GPM6B: variants seen among roughly 807,000 people sequenced by gnomAD.
GPM6B encodes the protein neuronal membrane glycoprotein M6-b.
Under a neutral mutation model 27.2 loss-of-function variants are expected in GPM6B, and 4 were observed. That is an observed-to-expected ratio of 0.15 (90% CI 0.07 to 0.34). GPM6B has a LOEUF of 0.34. GPM6B is among the 10% of genes least tolerant of loss of function. The pLI, the probability that GPM6B is intolerant of heterozygous loss-of-function variation, is 1.00. For missense variants in GPM6B, 183 were observed against 261.9 expected, an observed-to-expected ratio of 0.70 and a Z score of 2.08; for synonymous variants, 124 against 103.1, an observed-to-expected ratio of 1.20 and a Z score of -1.23.
chrX:13,923,112 G>A (rs1293958125), intron 1 of GPM6B, among the ~76,000 whole-genome samples: 1 of 110,650 alleles, frequency 9.0e-6, no homozygotes, highest in African/African-American at 3.3e-5. Context: ...GGACGCAGAG[G>A]TTGCAATAAG....
At chrX:13,924,913 G>T (rs746086300) in intron 1 of GPM6B, among the ~76,000 whole-genome samples, 1 of 112,226 alleles carries the variant, frequency 8.9e-6, no homozygotes, top group South Asian at 3.7e-4. Flanking sequence ...ATTAGTAGAA[G>T]AACTGATTTG....
intron 1 of GPM6B, among the ~76,000 whole-genome samples, chrX:13,874,123 AGG>A (rs1167362759): frequency 1.8e-5 from 2 of 112,188 alleles, no homozygotes; most frequent in African/African-American, 6.5e-5. Flanking sequence ...GAAAGACATT[AGG>A]AGGCAGTCAA....
At chrX:13,926,051 T>C (rs1833554167) in intron 1 of GPM6B, among the ~76,000 whole-genome samples, 1 of 95,067 alleles carries the variant, frequency 1.1e-5, no homozygotes, top group Non-Finnish European at 2.0e-5. Flanking sequence ...CGAGACTCCA[T>C]CTCAAAAAAA....
chrX:13,787,852 G>A (rs1165396107), intron 2 of GPM6B, among the ~76,000 whole-genome samples: 1 of 112,082 alleles, frequency 8.9e-6, no homozygotes, highest in Non-Finnish European at 1.9e-5. Context: ...CAGCCTCTAT[G>A]ATCATGTTAA....
At chrX:13,797,030 C>G (rs749140599) in intron 2 of GPM6B, among the ~76,000 whole-genome samples, 12 of 112,540 alleles carry the variant, frequency 1.1e-4, no homozygotes, top group African/African-American at 3.6e-4. Flanking sequence ...AAGAGCACAG[C>G]AATCTGGAGG....
At chrX:13,773,219 TG>T (rs2048333243) in intron 7 of GPM6B, 189 bp from the exon 8 acceptor site, 2 of 326,645 alleles carry the variant, frequency 6.1e-6, no homozygotes, top group Non-Finnish European at 1.1e-5. Flanking sequence ...ATTAAAAGGC[TG>T]AAGAAAAGTT....
At position 13,914,293 on chromosome X, in the gene GPM6B, C is replaced by T. The variant is rs768297497; in HGVS notation, c.-198+24034G>A. On this transcript the variant is annotated intron_variant, in intron 1 of 6. Transcript: ENST00000398361. ...CTTCACTGTTTTCCAATATCTACTCCCCCATCTTCTATGGTAATAATATTT... is the reference window on the plus strand; with the variant it reads ...CTTCACTGTTTTCCAATATCTACTCTCCCATCTTCTATGGTAATAATATTT... Among the ~76,000 whole-genome samples the T allele has an allele frequency of 3.6e-5, 4 of 111,944 alleles. No individual in the cohort carries two copies. The South Asian group carries it at 1.5e-3, about 41-fold the overall frequency.
chrX:13,879,670 T>C (rs2050074168), intron 1 of GPM6B, among the ~76,000 whole-genome samples: 1 of 112,358 alleles, frequency 8.9e-6, no homozygotes, highest in Non-Finnish European at 1.9e-5. Context: ...TTAAAAAGAT[T>C]ACAATGAAAG....
chrX:13,910,331 C>T (rs942426489), intron 1 of GPM6B, among the ~76,000 whole-genome samples: 1 of 112,523 alleles, frequency 8.9e-6, no homozygotes, highest in Non-Finnish European at 1.9e-5. Context: ...GGCCAGGCAT[C>T]GGCATTTTTA....
At chrX:13,914,176 TTCTAACA>T (rs1414366186) in intron 1 of GPM6B, among the ~76,000 whole-genome samples, 1 of 112,417 alleles carries the variant, frequency 8.9e-6, no homozygotes, top group African/African-American at 3.2e-5. Context: ...AATCAAATTA[TTCTAACA>T]TCTGAGATTT....
chrX:13,776,603 C>A (rs1272569499), intron 6 of GPM6B, among the ~76,000 whole-genome samples: 2 of 111,943 alleles, frequency 1.8e-5, no homozygotes, highest in Non-Finnish European at 3.8e-5. Context: ...GGTGGGGAGC[C>A]CTGCTTCAAG....
chrX:13,897,029 T>C (rs192922212), intron 1 of GPM6B, among the ~76,000 whole-genome samples: 2 of 112,761 alleles, frequency 1.8e-5, no homozygotes, highest in East Asian at 2.8e-4. Context: ...TTATTCCAGA[T>C]GACTGAGTCA....
chrX:13,935,467 T>C (rs1921793069), intron 1 of GPM6B, among the ~76,000 whole-genome samples: 1 of 111,273 alleles, frequency 9.0e-6, no homozygotes, highest in Admixed American at 9.6e-5. Context: ...AGTGAGTTAT[T>C]ACATCAGGCC....
intron 1 of GPM6B, among the ~76,000 whole-genome samples, chrX:13,848,641 T>C (rs1488314802): frequency 1.8e-5 from 2 of 112,113 alleles, no homozygotes; most frequent in Non-Finnish European, 3.8e-5. Flanking sequence ...CCAGGAACCC[T>C]CATACACTGA....
chrX:13,787,912 T>A, intron 2 of GPM6B, among the ~76,000 whole-genome samples: 1 of 112,573 alleles, frequency 8.9e-6, no homozygotes, highest in Non-Finnish European at 1.9e-5. Flanking sequence ...TATCTGGTTC[T>A]TAAAGGATAA....
At chrX:13,880,804 C>G (rs1307358185) in intron 1 of GPM6B, among the ~76,000 whole-genome samples, 1 of 110,526 alleles carries the variant, frequency 9.0e-6, no homozygotes, top group Non-Finnish European at 1.9e-5. Flanking sequence ...CCCCTGCCTG[C>G]TTATTGACCT....
At chrX:13,811,476 T>C in intron 1 of GPM6B, among the ~76,000 whole-genome samples, 1 of 111,985 alleles carries the variant, frequency 8.9e-6, no homozygotes, top group Non-Finnish European at 1.9e-5. Context: ...TTTTAGCTAT[T>C]ATTTAAAATA....
intron 1 of GPM6B, among the ~76,000 whole-genome samples, chrX:13,850,538 A>T (rs1388690825): frequency 8.9e-6 from 1 of 112,876 alleles, no homozygotes; most frequent in Non-Finnish European, 1.9e-5. Flanking sequence ...TCTCTTGGAC[A>T]GTCAGTCTGC....
intron 1 of GPM6B, among the ~76,000 whole-genome samples, chrX:13,861,000 G>A (rs1390774562): frequency 1.3e-5 from 1 of 76,332 alleles, no homozygotes; most frequent in Non-Finnish European, 2.5e-5. Flanking sequence ...CAGAATGAAT[G>A]TGCATACACA....
Sources: gnomAD v4.1 joint callset for allele counts (sites outside exome capture counted in the v4.1 genomes callset) on GRCh38, gnomAD v4.1.1 for gene constraint, MANE v1.5 for transcripts, NCBI Gene and HGNC (gene_info 2026-07-23, HGNC 2026-07-21) for gene names.